TPD52L2: variants seen among roughly 807,000 people sequenced by gnomAD.
TPD52L2 encodes the protein tumor protein D54.
TPD52L2 carries 19 observed loss-of-function variants against 24.7 expected under a neutral mutation model. That is an observed-to-expected ratio of 0.77 (90% CI 0.54 to 1.13). The LOEUF (loss-of-function observed/expected upper bound fraction) is 1.13, where lower values mean the gene tolerates loss of function less well. Ranked by LOEUF, TPD52L2 falls within the 50% of genes most tolerant of loss-of-function variation. The probability of loss-of-function intolerance (pLI) is 0.00; values close to 1 mark genes in which losing one functional copy is unlikely to be tolerated. For missense variants in TPD52L2, 236 were observed against 250.4 expected (o/e 0.94, Z 0.39); for synonymous variants, 104 against 100.2 (o/e 1.04, Z -0.23).
At chr20:63,887,629 G>A (rs755072962) in intron 5 of TPD52L2, 6 of 1,611,048 alleles carry the variant, frequency 3.7e-6, no homozygotes, top group Non-Finnish European at 4.2e-6. Context: ...GCTCGCTGCG[G>A]CTCCAGAGCC....
intron 2 of TPD52L2, among the ~76,000 whole-genome samples, chr20:63,870,726 T>G (rs1311720601): frequency 1.3e-5 from 2 of 150,806 alleles, no homozygotes; most frequent in South Asian, 2.1e-4. Context: ...GGGTTTGTTT[T>G]TTTTTTTTGG....
intron 5 of TPD52L2, among the ~76,000 whole-genome samples, chr20:63,884,299 G>A: frequency 6.6e-6 from 1 of 152,146 alleles, no homozygotes; most frequent in Non-Finnish European, 1.5e-5. Flanking sequence ...ACTCAGCCTC[G>A]CAGGGCTGTT....
chr20:63,885,521 G>A (rs2053059137), intron 5 of TPD52L2, among the ~76,000 whole-genome samples: 1 of 152,218 alleles, frequency 6.6e-6, no homozygotes, highest in South Asian at 2.1e-4. Flanking sequence ...GGCGCCAAGG[G>A]TGTCCCACAT....
At chr20:63,887,721 A>T (rs1486024023) in intron 5 of TPD52L2, 5 of 1,089,820 alleles carry the variant, frequency 4.6e-6, no homozygotes, top group Non-Finnish European at 5.5e-6. Context: ...TGAGGACTCC[A>T]TTCCCTTGGC....
At chr20:63,869,940 C>G (rs1043739355) in intron 2 of TPD52L2, among the ~76,000 whole-genome samples, 4 of 152,120 alleles carry the variant, frequency 2.6e-5, no homozygotes, top group African/African-American at 9.7e-5. Context: ...TGAGAGCAGC[C>G]TGGGCAACAC....
chr20:63,875,720 G>C (rs1292198077), intron 3 of TPD52L2, 96 bp from the exon 4 acceptor site: 2 of 1,271,522 alleles, frequency 1.6e-6, no homozygotes, highest in Non-Finnish European at 2.3e-6. Context: ...CCTGCCAGCT[G>C]GTCCCTCTCT....
intron 5 of TPD52L2, chr20:63,887,037 GT>G (rs963518553): frequency 3.8e-5 from 7 of 182,256 alleles, no homozygotes; most frequent in African/African-American, 1.7e-4. Flanking sequence ...TTCAGATGGA[GT>G]TTTGTCTTGT....
At chr20:63,889,076 G>T in intron 5 of TPD52L2, 114 bp from the exon 6 acceptor site, 1 of 860,894 alleles carries the variant, frequency 1.2e-6, no homozygotes, top group East Asian at 2.6e-5. Context: ...TGAGATCTTG[G>T]GATGTTGTTA....
rs1030192879 is a variant in TPD52L2, at chr20:63,876,800, G to A, written c.374+925G>A. 8 of 455,952 alleles carry A rather than the reference G, an allele frequency of 1.8e-5. No individual in the cohort carries two copies. In the Admixed American group the frequency reaches 1.9e-4, roughly 11 times the overall value. The allele number at this position is 455,952 out of a possible 1,614,324, so 28.2% of individuals were successfully genotyped here. ...GTGTCAGGAACCCCGGGCGGTTCTC[G>A]GCATGTTGCCCCGGGTATTCCAGGG... On this transcript the variant is annotated intron_variant, in intron 4 of 6. Coordinates refer to ENST00000346249, the MANE Select transcript of TPD52L2 (RefSeq NM_003288.4).
At chr20:63,887,688 C>A in intron 5 of TPD52L2, 1 of 1,382,182 alleles carries the variant, frequency 7.2e-7, no homozygotes, top group Non-Finnish European at 1.0e-6. Context: ...TACACCTTGC[C>A]CTTCCCATAT....
chr20:63,871,016 C>T (rs2146186134), intron 2 of TPD52L2, among the ~76,000 whole-genome samples: 1 of 150,480 alleles, frequency 6.6e-6, no homozygotes, highest in Admixed American at 6.7e-5. Context: ...GTGCCCGGCC[C>T]CTACAAGGTG....
intron 4 of TPD52L2, among the ~76,000 whole-genome samples, chr20:63,880,585 A>G (rs1412121857): frequency 2.6e-5 from 4 of 152,250 alleles, no homozygotes; most frequent in African/African-American, 9.6e-5. Context: ...AAGGTTAAAG[A>G]TGTCTTCAGA....
chr20:63,887,809 C>T (rs1179781993), intron 5 of TPD52L2: 1 of 607,730 alleles, frequency 1.6e-6, no homozygotes, highest in East Asian at 2.8e-5. Context: ...AGGCTCTTCA[C>T]CTGCAGCCTC....
chr20:63,887,142 G>A (rs1039126091), intron 5 of TPD52L2: 16 of 305,356 alleles, frequency 5.2e-5, no homozygotes, highest in East Asian at 2.1e-4. Context: ...CCGCCAGCAC[G>A]TGCCCTTCTG....
intron 6 of TPD52L2, 60 bp downstream of exon 6, chr20:63,889,298 T>C: frequency 1.4e-6 from 2 of 1,428,328 alleles, no homozygotes; most frequent in Non-Finnish European, 2.0e-6. Context: ...CAGCAACTTG[T>C]TTATTATTAG....
At chr20:63,868,873 G>GGAGGTTGCAGTGAGCT (rs1458664596) in intron 1 of TPD52L2, among the ~76,000 whole-genome samples, 1 of 152,148 alleles carries the variant, frequency 6.6e-6, no homozygotes, top group East Asian at 1.9e-4. Flanking sequence ...CCCGGGAGAC[G>GGAGGTTGCAGTGAGCT]GAGGTTGCAG....
At chr20:63,889,704 GC>G in intron 6 of TPD52L2, 145 bp from the exon 7 acceptor site, 1 of 727,722 alleles carries the variant, frequency 1.4e-6, no homozygotes. Flanking sequence ...TGGGGCTGGT[GC>G]CCGTCCGTGA....
rs1218000628 is a variant in TPD52L2 at position 63,873,742 on chromosome 20, G to T, written c.240G>T (p.Arg80Ser). 14 of 1,607,022 alleles carry T rather than the reference G, an allele frequency of 8.7e-6. No homozygotes were observed. In the South Asian group the frequency reaches 1.6e-4, roughly 18 times the overall value. Residue 80 changes from arginine to serine, a missense_variant, in exon 3 of 7, where the codon AGG (arginine) becomes AGT (serine). Arg to Ser is a moderately radical substitution (Grantham distance 110). Transcript: ENST00000346249. ...KERHCGELKR[R>S]LGLSTLGELK... ...GGCACTGTGGAGAGCTCAAGAGGAGGCTGGGCCTCTCCACCCTGGGGGAGC... is the reference window on the plus strand; with the variant it reads ...GGCACTGTGGAGAGCTCAAGAGGAGTCTGGGCCTCTCCACCCTGGGGGAGC...
intron 4 of TPD52L2, among the ~76,000 whole-genome samples, chr20:63,882,462 TG>T (rs1372591438): frequency 6.6e-6 from 1 of 152,108 alleles, no homozygotes; most frequent in Non-Finnish European, 1.5e-5. Flanking sequence ...ATTGCAGGGC[TG>T]GGGGGCCGAG....
Sources: allele counts gnomAD v4.1 joint callset (sites outside exome capture counted in the v4.1 genomes callset), GRCh38; gene constraint gnomAD v4.1.1; transcripts MANE v1.5; gene names NCBI Gene and HGNC (gene_info 2026-07-23, HGNC 2026-07-21).